Variants in SLC44A2 observed in about 807,000 individuals in gnomAD.
SLC44A2 encodes solute carrier family 44 member 2 (CTL2 blood group).
In SLC44A2, 57 loss-of-function variants were observed where a neutral mutation model predicts 90.8. The observed-to-expected ratio is 0.63, with a 90% CI of 0.51 to 0.78. The LOEUF is 0.78. Ranked by LOEUF, SLC44A2 falls within the 30% of genes least tolerant of loss-of-function variation. The pLI, the probability that SLC44A2 is intolerant of heterozygous loss-of-function variation, is 0.00. For synonymous variants in SLC44A2, 355 were observed against 360.7 expected, an observed-to-expected ratio of 0.98 and a Z score of 0.18; for missense variants, 794 against 919.7, an observed-to-expected ratio of 0.86 and a Z score of 1.77.
chr19:10,635,351 TG>T, intron 13 of SLC44A2, 79 bp from the exon 14 acceptor site: 3 of 1,606,256 alleles, frequency 1.9e-6, no homozygotes, highest in Non-Finnish European at 2.6e-6. Flanking sequence ...GGCTGGAAAC[TG>T]GTGGGAGAAT....
chr19:10,631,771 G>T lies in SLC44A2; in HGVS notation c.626+22G>T, dbSNP rs372913165. The T allele has an allele frequency of 5.0e-6, 8 of 1,614,050 alleles. No homozygotes were observed. The Admixed American group carries it at 1.0e-4, about 20-fold the overall frequency. On this transcript the variant is annotated intron_variant, in intron 8 of 21. Transcript: ENST00000335757. ...CCAAGTGAGGATATTGGCGCACCGCGCCAGGGTCTCACTTTGCTGGGTGGG... is the reference window on the plus strand; with the variant it reads ...CCAAGTGAGGATATTGGCGCACCGCTCCAGGGTCTCACTTTGCTGGGTGGG...
intron 1 of SLC44A2, among the ~76,000 whole-genome samples, chr19:10,607,731 A>G (rs1016257156): frequency 1.4e-5 from 2 of 144,572 alleles, no homozygotes; most frequent in Non-Finnish European, 3.0e-5. Context: ...TTCCTCAATC[A>G]TTTATTATTA....
intron 20 of SLC44A2, among the ~76,000 whole-genome samples, chr19:10,640,732 C>A (rs890463462): frequency 6.6e-6 from 1 of 152,136 alleles, no homozygotes; most frequent in African/African-American, 2.4e-5. Flanking sequence ...CCTAAACATG[C>A]ATAAAATTGC....
intron 1 of SLC44A2, among the ~76,000 whole-genome samples, chr19:10,613,908 A>G (rs1158228444): frequency 6.6e-6 from 1 of 152,020 alleles, no homozygotes; most frequent in Non-Finnish European, 1.5e-5. Context: ...AGTGAGATGC[A>G]TTTTGTGCTT....
chr19:10,622,020 C>T (rs1383274476), upstream of SLC44A2, among the ~76,000 whole-genome samples: 2 of 152,204 alleles, frequency 1.3e-5, no homozygotes, highest in Non-Finnish European at 2.9e-5. Flanking sequence ...TCTCAGCCTC[C>T]CCAAGTGCTA....
At chr19:10,628,125 C>T (rs776882222) in intron 4 of SLC44A2, 121 bp downstream of exon 4, 2 of 889,702 alleles carry the variant, frequency 2.2e-6, no homozygotes, top group Middle Eastern at 3.3e-4. Context: ...TGACTCACGC[C>T]CGAAATTCCA....
intron 6 of SLC44A2, 40 bp from the exon 7 acceptor site, chr19:10,631,435 C>CTAGA (rs1191593849): frequency 1.2e-5 from 19 of 1,613,948 alleles, no homozygotes; most frequent in Non-Finnish European, 1.6e-5. Flanking sequence ...TGGCAGTGTA[C>CTAGA]TAGACTTGGG....
intron 1 of SLC44A2, among the ~76,000 whole-genome samples, chr19:10,615,882 G>A (rs148500555): frequency 3.8e-4 from 57 of 151,784 alleles, no homozygotes; most frequent in Middle Eastern, 3.4e-3. Flanking sequence ...GAAATGAGGC[G>A]GGCTGGACAT....
chr19:10,612,449 A>G lies in SLC44A2; in HGVS notation c.31+9888A>G, dbSNP rs553727463. ...TGGTGCCTAACATAGTCCAGCATACAGTAGGCGCTCTATCTTTTGCCCTTA... is the reference window on the plus strand; with the variant it reads ...TGGTGCCTAACATAGTCCAGCATACGGTAGGCGCTCTATCTTTTGCCCTTA... On this transcript the variant is annotated intron_variant, in intron 1 of 21. Transcript: ENST00000407327. Among the ~76,000 whole-genome samples, 9 of 152,314 alleles carry G rather than the reference A, an allele frequency of 5.9e-5. No homozygotes were observed. The South Asian group carries it at 6.2e-4, about 11-fold the overall frequency.
chr19:10,607,945 G>C (rs1269779645), intron 1 of SLC44A2, among the ~76,000 whole-genome samples: 3 of 150,540 alleles, frequency 2.0e-5, no homozygotes, highest in African/African-American at 7.3e-5. Flanking sequence ...TTTTAGTAGA[G>C]ACGGGATTTC....
At chr19:10,626,412 C>T (rs1490787054) in intron 2 of SLC44A2, 111 bp downstream of exon 2, 3 of 681,920 alleles carry the variant, frequency 4.4e-6, no homozygotes, top group East Asian at 2.9e-5. Context: ...ATATTTGAAA[C>T]TTTTTTTTTT....
chr19:10,616,353 C>T (rs960481988), intron 1 of SLC44A2, among the ~76,000 whole-genome samples: 1 of 151,966 alleles, frequency 6.6e-6, no homozygotes. Context: ...ACCTCAGGCT[C>T]GCAAGTAGCT....
intron 1 of SLC44A2, chr19:10,602,654 G>C (rs1436272660): frequency 2.6e-6 from 3 of 1,154,622 alleles, no homozygotes; most frequent in Non-Finnish European, 1.1e-6. Flanking sequence ...AGGCACCGGC[G>C]CTGCGGCTGG....
intron 14 of SLC44A2, chr19:10,636,039 A>G: frequency 2.5e-6 from 1 of 406,626 alleles, no homozygotes; most frequent in South Asian, 3.5e-5. Flanking sequence ...TGCCTCCCAA[A>G]GTGCTGGGAT....
chr19:10,628,017 C>G lies in SLC44A2; in HGVS notation c.245+13C>G, dbSNP rs749252717. 6.2e-7 allele frequency: 1 copy of G among 1,608,854 alleles called. No individual in the cohort carries two copies. Among genetic ancestry groups the G allele is most frequent in the South Asian group, 1.1e-5 (1 of 90,520 alleles). On this transcript the variant is annotated intron_variant, in intron 4 of 21. Coordinates refer to ENST00000335757, the MANE Select transcript of SLC44A2 (RefSeq NM_020428.4). ...GCACAAAAAACGAGTGAGTTGACTC[C>G]TTGCGGCCTGGTGGGGCTGGGGAAG...
intron 14 of SLC44A2, 138 bp from the exon 15 acceptor site, chr19:10,636,185 T>G (rs2067052108): frequency 1.9e-6 from 2 of 1,074,384 alleles, no homozygotes; most frequent in Non-Finnish European, 2.7e-6. Flanking sequence ...TTCTGAACTC[T>G]TAATTCCTTC....
At chr19:10,637,268 C>T (rs2067067665) in intron 16 of SLC44A2, 1 of 253,128 alleles carries the variant, frequency 4.0e-6, no homozygotes. Context: ...AGGAGAATCA[C>T]TTGAACTCCG....
upstream of SLC44A2, among the ~76,000 whole-genome samples, chr19:10,623,353 G>C (rs917469674): frequency 3.3e-5 from 5 of 152,002 alleles, no homozygotes; most frequent in Non-Finnish European, 5.9e-5. Context: ...CCCTGCCTGC[G>C]AGTCCTAGAG....
intron 1 of SLC44A2, among the ~76,000 whole-genome samples, chr19:10,620,305 AC>A (rs1373068342): frequency 6.6e-6 from 1 of 152,064 alleles, no homozygotes; most frequent in Non-Finnish European, 1.5e-5. Flanking sequence ...ACATAGTGAA[AC>A]CCCATCTCTA....
Sources: gnomAD v4.1 joint callset for allele counts (sites outside exome capture counted in the v4.1 genomes callset) on GRCh38, gnomAD v4.1.1 for gene constraint, MANE v1.5 for transcripts, NCBI Gene and HGNC (gene_info 2026-07-23, HGNC 2026-07-21) for gene names.